The following ATAD3B variants were observed in gnomAD, a reference collection of about 807,000 sequenced individuals.
ATAD3B encodes the protein ATPase family AAA domain containing 3B.
In ATAD3B, 59 loss-of-function variants were observed where a neutral mutation model predicts 70.2. The ratio of observed to expected loss-of-function variants is 0.84; its 90% CI spans 0.68 to 1.04. The LOEUF is 1.04. Ranked by LOEUF, ATAD3B falls within the 50% of genes least tolerant of loss-of-function variation. ATAD3B has a pLI of 0.00. For synonymous variants in ATAD3B, 423 were observed against 388.6 expected (o/e 1.09, Z -1.04); for missense variants, 961 against 913.4 (o/e 1.05, Z -0.67).
chr1:1,495,295 G>C (rs1443661011), intron 15 of ATAD3B, among the ~76,000 whole-genome samples, 190 bp from the exon 16 acceptor site: 1 of 151,974 alleles, frequency 6.6e-6, no homozygotes, highest in African/African-American at 2.4e-5. Context: ...GCAGGGCTGT[G>C]GGCACTGCAG....
Position 1,485,056 on chromosome 1 carries a change from C to A in ATAD3B, c.791C>A (p.Ala264Asp), listed in dbSNP as rs1043463670. ...CTGCTGGCTGTCGGGGTCTACTCAG[C>A]CAAGAATGCGACAGCCGTCACTGGC... ...LTLLAVGVYSAKNATAVTGRF... is the reference protein window; with the variant it reads ...LTLLAVGVYSDKNATAVTGRF... Residue 264 changes from alanine to aspartate, a missense_variant, in exon 8 of 16, where the codon GCC (alanine) becomes GAC (aspartate). Coordinates refer to ENST00000673477, the MANE Select transcript of ATAD3B (RefSeq NM_031921.6). 8 of 1,606,240 alleles carry A rather than the reference C, an allele frequency of 5.0e-6. No individual in the cohort carries two copies. The highest frequency in any genetic ancestry group is 6.8e-6 in the Non-Finnish European group (8 of 1,177,780).
At chr1:1,481,066 G>A in intron 5 of ATAD3B, 130 bp downstream of exon 5, 1 of 1,483,614 alleles carries the variant, frequency 6.7e-7, no homozygotes, top group Non-Finnish European at 8.9e-7. Context: ...GGCCTGCTGG[G>A]GCTCTGCGGG....
chr1:1,486,481 T>C (rs1046362931), intron 10 of ATAD3B, 63 bp from the exon 11 acceptor site: 7 of 1,610,442 alleles, frequency 4.3e-6, no homozygotes, highest in Non-Finnish European at 5.9e-6. Flanking sequence ...CCAGGTGGAG[T>C]GTGCAGGCTT....
chr1:1,502,417 T>C (rs755680850), downstream of ATAD3B, among the ~76,000 whole-genome samples: 9 of 149,874 alleles, frequency 6.0e-5, no homozygotes, highest in Non-Finnish European at 1.3e-4. Flanking sequence ...GGTTTCACCA[T>C]GTTAGCCAGG....
intron 5 of ATAD3B, among the ~76,000 whole-genome samples, chr1:1,481,515 C>T (rs1349915419): frequency 5.2e-5 from 3 of 58,188 alleles, no homozygotes; most frequent in Non-Finnish European, 9.7e-5. Flanking sequence ...GTGGGGATCA[C>T]AGGTATTTGG....
the ATAD3B span, chr1:1,509,426 T>G: frequency 6.3e-7 from 1 of 1,598,264 alleles, no homozygotes; most frequent in South Asian, 1.1e-5. Context: ...CCCCGCACAT[T>G]TAGGAAATAC....
chr1:1,508,227 T>C, the ATAD3B span, among the ~76,000 whole-genome samples: 20 of 151,338 alleles, frequency 1.3e-4, no homozygotes, highest in Non-Finnish European at 2.9e-4. Flanking sequence ...CCTGCGCTCC[T>C]GGGCCCCTGA....
intron 8 of ATAD3B, among the ~76,000 whole-genome samples, chr1:1,485,417 C>T (rs569503645): frequency 3.6e-4 from 55 of 152,162 alleles, no homozygotes; most frequent in African/African-American, 1.3e-3. Flanking sequence ...GGGAGCACAT[C>T]GGGGTCCTTG....
At chr1:1,502,253 C>T (rs1378115795), downstream of ATAD3B, among the ~76,000 whole-genome samples, 14 of 150,088 alleles carry the variant, frequency 9.3e-5, no homozygotes, top group African/African-American at 1.2e-4. Flanking sequence ...CTCGCTCTGT[C>T]GCCCAGGCTG....
chr1:1,480,909 G>C lies in ATAD3B; in HGVS notation c.487G>C (p.Val163Leu). The stretch of plus-strand genomic sequence containing the variant: ...GAATTTACGGAAGCAGGAGGAGTCC[G>C]TGCAGAAGCAGGAAGCCATGCGGCG... The part of the protein sequence containing the change: ...EENLRKQEES[V>L]QKQEAMRRAT... Residue 163 changes from valine to leucine, a missense_variant, in exon 5 of 16, where the codon GTG becomes CTG. Physicochemically the swap from Val to Leu is conservative, Grantham distance 32. Transcript: ENST00000673477. 2 of 1,593,230 alleles carry C rather than the reference G, an allele frequency of 1.3e-6. No individual in the cohort carries two copies. The highest frequency in any genetic ancestry group is 1.7e-6 in the Non-Finnish European group (2 of 1,171,792).
intron 1 of ATAD3B, among the ~76,000 whole-genome samples, chr1:1,474,132 G>C (rs1239844572): frequency 6.6e-6 from 1 of 151,968 alleles, no homozygotes; most frequent in African/African-American, 2.4e-5. Context: ...CCGTCCAACC[G>C]TCTCAGCCTC....
chr1:1,498,994 CAG>C (rs1429548233), downstream of ATAD3B, among the ~76,000 whole-genome samples: 5 of 147,292 alleles, frequency 3.4e-5, no homozygotes, highest in Admixed American at 6.8e-5. Context: ...CTTTTTGAGA[CAG>C]AGTCTCATGC....
intron 15 of ATAD3B, 101 bp from the exon 16 acceptor site, chr1:1,495,384 G>C (rs959446847): frequency 3.5e-6 from 5 of 1,448,678 alleles, no homozygotes; most frequent in South Asian, 1.4e-5. Context: ...AGGTTGTCCT[G>C]GTGCCCCTGG....
intron 1 of ATAD3B, among the ~76,000 whole-genome samples, chr1:1,475,326 G>A (rs1639535979): frequency 6.6e-6 from 1 of 151,370 alleles, no homozygotes; most frequent in Non-Finnish European, 1.5e-5. Context: ...GGGTGAGAGA[G>A]GTTTCTCCGG....
chr1:1,481,934 CTG>C (rs987323068), intron 5 of ATAD3B, among the ~76,000 whole-genome samples: 5 of 151,970 alleles, frequency 3.3e-5, no homozygotes, highest in African/African-American at 7.3e-5. Flanking sequence ...ATGGGCCTGT[CTG>C]TGGCGTGGGC....
the ATAD3B span, among the ~76,000 whole-genome samples, chr1:1,505,955 A>C: frequency 2.0e-5 from 3 of 152,130 alleles, no homozygotes; most frequent in South Asian, 4.2e-4. Flanking sequence ...CTTGCCACCC[A>C]CACACAGTGG....
At chr1:1,493,690 G>A (rs767724773) in intron 15 of ATAD3B, among the ~76,000 whole-genome samples, 1 of 151,320 alleles carries the variant, frequency 6.6e-6, no homozygotes, top group Non-Finnish European at 1.5e-5. Flanking sequence ...GAGATGAGAG[G>A]GTCATGTGGT....
intron 15 of ATAD3B, among the ~76,000 whole-genome samples, chr1:1,492,044 G>T (rs1203256380): frequency 6.6e-6 from 1 of 151,956 alleles, no homozygotes; most frequent in Non-Finnish European, 1.5e-5. Flanking sequence ...AAATTGGCCG[G>T]ACCTAGTGGC....
intron 15 of ATAD3B, among the ~76,000 whole-genome samples, chr1:1,492,330 A>C (rs532083042): frequency 6.6e-6 from 1 of 151,590 alleles, no homozygotes; most frequent in Admixed American, 6.6e-5. Context: ...TACAAAAAAT[A>C]CGAAAATTAG....
Sources: gnomAD v4.1 joint callset for allele counts (sites outside exome capture counted in the v4.1 genomes callset) on GRCh38, gnomAD v4.1.1 for gene constraint, MANE v1.5 for transcripts, NCBI Gene and HGNC (gene_info 2026-07-23, HGNC 2026-07-21) for gene names.